Variants in RPS6KA2 observed in about 807,000 individuals in gnomAD.
The protein encoded by RPS6KA2 is ribosomal protein S6 kinase alpha-2.
A neutral mutation model predicts 91.8 loss-of-function variants in RPS6KA2; 42 were observed. The ratio of observed to expected loss-of-function variants is 0.46; its 90% CI spans 0.36 to 0.59. The LOEUF (loss-of-function observed/expected upper bound fraction) is 0.59. Ranked by LOEUF, RPS6KA2 falls within the 20% of genes least tolerant of loss-of-function variation. The pLI is 0.00. For missense variants in RPS6KA2, 798 were observed against 978.5 expected, an observed-to-expected ratio of 0.82 and a Z score of 2.46; for synonymous variants, 414 against 393.6, an observed-to-expected ratio of 1.05 and a Z score of -0.61.
chr6:166,603,807 T>A lies in RPS6KA2; in HGVS notation c.99+23114A>T, dbSNP rs1785840189. Among the ~76,000 whole-genome samples the A allele has an allele frequency of 6.6e-6, 1 of 152,120 alleles. No homozygotes were observed. Among genetic ancestry groups the A allele is most frequent in the South Asian group, 2.1e-4 (1 of 4,826 alleles). On this transcript the variant is annotated intron_variant, in intron 1 of 20. Transcript: ENST00000265678. This position sits in a 1 kb window ranked among gnomAD's most constrained non-coding sequence, Gnocchi z 4.3. ...TATCAAATAAATGCCCCCGTACTGT[T>A]GTTTGCGATAACAAGTCAGGGGTGT... is the stretch of plus-strand genomic sequence containing the variant.
intron 3 of RPS6KA2, among the ~76,000 whole-genome samples, chr6:166,512,368 G>A (rs185378202): frequency 5.0e-4 from 76 of 152,208 alleles, no homozygotes; most frequent in African/African-American, 1.5e-3. Flanking sequence ...AAAGATTTTG[G>A]GTATAACATT....
At chr6:166,829,815 A>G (rs1780137523) in intron 2 of RPS6KA2, among the ~76,000 whole-genome samples, 1 of 152,098 alleles carries the variant, frequency 6.6e-6, no homozygotes, top group African/African-American at 2.4e-5. Flanking sequence ...AGCCTTAAGA[A>G]GAAAAGGAAT....
chr6:166,824,645 C>CTGTGTG (rs55815873), intron 2 of RPS6KA2, among the ~76,000 whole-genome samples: 2 of 147,654 alleles, frequency 1.4e-5, no homozygotes, highest in African/African-American at 5.1e-5. Flanking sequence ...GTCTGTATGT[C>CTGTGTG]TGTGTGTGTG....
intron 10 of RPS6KA2, among the ~76,000 whole-genome samples, chr6:166,486,567 A>C (rs1010370953): frequency 6.6e-6 from 1 of 152,238 alleles, no homozygotes; most frequent in Admixed American, 6.5e-5. Context: ...AAATGTGTGC[A>C]GTGACCTGCT....
At chr6:166,743,679 C>T (rs1790883157) in intron 2 of RPS6KA2, among the ~76,000 whole-genome samples, 2 of 152,218 alleles carry the variant, frequency 1.3e-5, no homozygotes, top group Non-Finnish European at 1.5e-5. Context: ...CATTTTTATG[C>T]CCCTGGCGGC....
chr6:166,592,177 G>A (rs1785376113), intron 1 of RPS6KA2, among the ~76,000 whole-genome samples: 1 of 152,218 alleles, frequency 6.6e-6, no homozygotes, highest in African/African-American at 2.4e-5. Flanking sequence ...GGGAACTAGA[G>A]AGTCACATAT....
At chr6:166,482,241 C>A (rs1333513123) in intron 10 of RPS6KA2, among the ~76,000 whole-genome samples, 3 of 152,246 alleles carry the variant, frequency 2.0e-5, no homozygotes, top group Non-Finnish European at 4.4e-5. Flanking sequence ...GCACGTGCAT[C>A]TCTTTGTTTT....
intron 10 of RPS6KA2, among the ~76,000 whole-genome samples, chr6:166,472,746 G>A (rs1780817793): frequency 6.6e-6 from 1 of 152,188 alleles, no homozygotes; most frequent in Non-Finnish European, 1.5e-5. Context: ...GAATCGGAAG[G>A]TATCAGGCTG....
chr6:166,468,964 G>T (rs1245367862), intron 11 of RPS6KA2, among the ~76,000 whole-genome samples: 2 of 152,114 alleles, frequency 1.3e-5, no homozygotes, highest in Non-Finnish European at 2.9e-5. Flanking sequence ...AATCTTTTGA[G>T]GTTAATTTGT....
intron 2 of RPS6KA2, among the ~76,000 whole-genome samples, chr6:166,829,201 T>TTTTCA (rs1223208554): frequency 6.6e-6 from 1 of 152,156 alleles, no homozygotes; most frequent in East Asian, 1.9e-4. Flanking sequence ...ATGGCAAGGA[T>TTTTCA]GTGGAGAAAC....
chr6:166,611,921 C>A (rs917570394), intron 1 of RPS6KA2, among the ~76,000 whole-genome samples: 3 of 152,222 alleles, frequency 2.0e-5, no homozygotes, highest in Non-Finnish European at 4.4e-5. Context: ...GTAGGGCACA[C>A]ACGCCCAGGA....
At position 166,465,161 on chromosome 6, in the gene RPS6KA2, C is replaced by T. The variant is rs548393149; in HGVS notation, c.972+4680G>A. Among the ~76,000 whole-genome samples, 39 of 152,226 alleles carry T rather than the reference C, an allele frequency of 2.6e-4. 1 individual carries two copies. In the South Asian group the frequency reaches 5.4e-3, roughly 21 times the overall value. On this transcript the variant is annotated intron_variant, in intron 11 of 20. Transcript: ENST00000265678. ...AGTGGTTAGGAAATGTCTTCTCATT[C>T]GTCATTAAGGAGTGTCTGCATTGCA... is the stretch of plus-strand genomic sequence containing the variant.
intron 14 of RPS6KA2, among the ~76,000 whole-genome samples, chr6:166,443,739 T>C (rs1779592728): frequency 6.6e-6 from 1 of 152,218 alleles, no homozygotes; most frequent in South Asian, 2.1e-4. Context: ...CTTGAGCACA[T>C]AAATTTTGAT....
At chr6:166,799,091 A>G (rs1342914616) in intron 2 of RPS6KA2, among the ~76,000 whole-genome samples, 6 of 152,256 alleles carry the variant, frequency 3.9e-5, no homozygotes. Flanking sequence ...AACCAGTGAC[A>G]TAGCAAATCT....
intron 14 of RPS6KA2, among the ~76,000 whole-genome samples, chr6:166,442,386 C>G (rs1779547326): frequency 6.6e-6 from 1 of 152,330 alleles, no homozygotes; most frequent in Admixed American, 6.5e-5. Flanking sequence ...GGACGGGAAC[C>G]TGCTCTCTCA....
At chr6:166,631,515 G>A (rs549521408), upstream of RPS6KA2, among the ~76,000 whole-genome samples, 70 of 152,350 alleles carry the variant, frequency 4.6e-4, no homozygotes, top group African/African-American at 1.6e-3. Flanking sequence ...GACAGCTTTG[G>A]ATTTTATTGG....
In RPS6KA2 at chr6:166,495,471, G is replaced by C. The variant is rs1583205538; in HGVS notation, c.747+3037C>G. 1.3e-5 allele frequency among the ~76,000 whole-genome samples: 2 copies of C among 152,192 alleles called. No individual in the cohort carries two copies. The highest frequency in any genetic ancestry group is 3.8e-4 in the East Asian group (2 of 5,198). ...TGACGTGCCGGGCAGCGCTGGGCCAGGCCTCCTTCAGAAGCTCTCAATATC... is the reference window on the plus strand; with the variant it reads ...TGACGTGCCGGGCAGCGCTGGGCCACGCCTCCTTCAGAAGCTCTCAATATC... On this transcript the variant is annotated intron_variant, in intron 8 of 20. Transcript: ENST00000265678. This position sits in a 1 kb window ranked among gnomAD's most constrained non-coding sequence, Gnocchi z 4.4.
intron 1 of RPS6KA2, among the ~76,000 whole-genome samples, chr6:166,609,798 C>T (rs753814665): frequency 3.3e-5 from 5 of 152,144 alleles, no homozygotes; most frequent in East Asian, 1.9e-4. Context: ...CCGTGCCTGG[C>T]GTAAAAGTTT....
At position 166,738,886 on chromosome 6, in the gene RPS6KA2, G is replaced by C. The variant is rs183272842; in HGVS notation, c.123+119314C>G. 4.4e-3 allele frequency among the ~76,000 whole-genome samples: 676 copies of C among 152,272 alleles called. 1 individual carries two copies. The highest frequency in any genetic ancestry group is 5.9e-3 in the Non-Finnish European group (399 of 68,020). On this transcript the variant is annotated intron_variant, in intron 2 of 21. Coordinates refer to the RPS6KA2 transcript ENST00000503859. The stretch of plus-strand genomic sequence containing the variant: ...ATCATTTCCTGCCAATGGCTCTTGG[G>C]AAACATTCCCAAGCTTTACACAGCA...
Sources: allele counts gnomAD v4.1 joint callset (sites outside exome capture counted in the v4.1 genomes callset), GRCh38; gene constraint gnomAD v4.1.1; non-coding constraint Gnocchi (gnomAD v3.1); transcripts MANE v1.5; gene names NCBI Gene and HGNC (gene_info 2026-07-23, HGNC 2026-07-21).